Variants in DNAH7 observed in about 807,000 individuals in gnomAD.
DNAH7 encodes the protein axonemal beta dynein heavy chain 7.
DNAH7 carries 397 observed loss-of-function variants against 444.6 expected under a neutral mutation model. The ratio of observed to expected loss-of-function variants is 0.89; its 90% CI spans 0.82 to 0.97. DNAH7 has a LOEUF of 0.97. Among genes scored for constraint, DNAH7 ranks in the 50% least tolerant of loss-of-function variants. DNAH7 has a pLI of 0.00. For synonymous variants in DNAH7, 1,636 were observed against 1,624.4 expected (o/e 1.01, Z -0.17); for missense variants, 4,902 against 4,800.8 (o/e 1.02, Z -0.62).
At chr2:195,950,098 A>G (rs1690117218) in intron 19 of DNAH7, among the ~76,000 whole-genome samples, 1 of 152,184 alleles carries the variant, frequency 6.6e-6, no homozygotes, top group South Asian at 2.1e-4. Context: ...TTTTGGTATC[A>G]GGATGATGCT....
At chr2:195,875,262 A>T (rs1274960607) in intron 38 of DNAH7, among the ~76,000 whole-genome samples, 1 of 152,206 alleles carries the variant, frequency 6.6e-6, no homozygotes, top group Non-Finnish European at 1.5e-5. Context: ...ACCATTCTAT[A>T]CAATTGAAGC....
At chr2:195,963,117 C>T (rs557349328) in intron 17 of DNAH7, among the ~76,000 whole-genome samples, 1 of 152,164 alleles carries the variant, frequency 6.6e-6, no homozygotes, top group Non-Finnish European at 1.5e-5. Flanking sequence ...TCCTTTCTTT[C>T]GGGTATATAC....
chr2:195,765,332 G>C (rs991550364), intron 61 of DNAH7, among the ~76,000 whole-genome samples: 2 of 152,096 alleles, frequency 1.3e-5, no homozygotes, highest in South Asian at 4.1e-4. Flanking sequence ...GATTCCTTGA[G>C]TAATACTCCA....
chr2:195,972,759 G>A (rs1648754733), intron 15 of DNAH7, among the ~76,000 whole-genome samples: 1 of 152,222 alleles, frequency 6.6e-6, no homozygotes, highest in African/African-American at 2.4e-5. Flanking sequence ...TCTGAGTGAA[G>A]AGTTACTCTT....
chr2:195,794,505 G>A lies in DNAH7; in HGVS notation c.10549C>T (p.Arg3517Ter), dbSNP rs759053711. 4.1e-5 allele frequency: 66 copies of A among 1,613,966 alleles called. No homozygotes were observed. The highest frequency in any genetic ancestry group is 1.6e-4 in the East Asian group (7 of 44,898). ...LSPESTHPDF[R>*]MWLTSYPSPN... ...GATGGGTAACTCGTTAGCCACATTC[G>A]GAAATCTGGATGTGTTGACTCTGGG... Residue 3517 changes from arginine to a stop codon, truncating the protein, a stop_gained, in exon 57 of 65, where the codon CGA becomes TGA. Coordinates refer to ENST00000312428, the MANE Select transcript of DNAH7 (RefSeq NM_018897.3). LOFTEE classifies it high-confidence loss of function.
intron 1 of DNAH7, among the ~76,000 whole-genome samples, chr2:196,063,072 G>T (rs1698222107): frequency 6.6e-6 from 1 of 152,084 alleles, no homozygotes; most frequent in South Asian, 2.1e-4. Flanking sequence ...AGTACAGATG[G>T]GGTTTCGCTA....
intron 5 of DNAH7, among the ~76,000 whole-genome samples, chr2:196,034,818 T>C (rs1420794897): frequency 6.6e-6 from 1 of 152,172 alleles, no homozygotes; most frequent in Non-Finnish European, 1.5e-5. Context: ...CATCAAACCG[T>C]ACCTTACACC....
In DNAH7 at chr2:195,777,984, T is replaced by A. The variant is rs533883510; in HGVS notation, c.10880A>T (p.Glu3627Val). 3 of 1,599,722 alleles carry A rather than the reference T, an allele frequency of 1.9e-6. No individual in the cohort carries two copies. The East Asian group carries it at 6.7e-5, about 36-fold the overall frequency. The change falls in exon 59 of 65, where the codon GAA becomes GTA. Residue 3627 changes from glutamate (E) to valine (V), a missense_variant and splice_region_variant. Coordinates refer to ENST00000312428, the MANE Select transcript of DNAH7 (RefSeq NM_018897.3). ...GTACCGCAGAGCCTCATACGGCAGT[T>A]CCTAAAATAGTGCGTGTCAGTCAAC... ...QLHMFLNQYE[E>V]LPYEALRYMT...
At chr2:195,938,811 G>A (rs1429296137) in intron 19 of DNAH7, among the ~76,000 whole-genome samples, 1 of 151,960 alleles carries the variant, frequency 6.6e-6, no homozygotes, top group Non-Finnish European at 1.5e-5. Context: ...ATGAACACAG[G>A]CAATAATCTA....
chr2:195,854,658 AACT>A (rs1699588931), intron 45 of DNAH7, among the ~76,000 whole-genome samples: 1 of 152,204 alleles, frequency 6.6e-6, no homozygotes, highest in Non-Finnish European at 1.5e-5. Context: ...TGCCATCAGA[AACT>A]ACTAAGTAAA....
At chr2:195,939,531 T>C (rs1375777250) in intron 19 of DNAH7, among the ~76,000 whole-genome samples, 2 of 152,090 alleles carry the variant, frequency 1.3e-5, no homozygotes, top group Non-Finnish European at 1.5e-5. Context: ...AACATAGCAA[T>C]AAGATGTTGT....
chr2:195,972,861 C>T (rs894857101), intron 15 of DNAH7, among the ~76,000 whole-genome samples: 8 of 152,200 alleles, frequency 5.3e-5, no homozygotes, highest in Admixed American at 3.9e-4. Flanking sequence ...ATGGGCTCTG[C>T]CCTCCCTGAG....
rs1691037916 is a variant in DNAH7, at chr2:195,960,752, A to G, written c.2399T>C (p.Ile800Thr). ...ATATAATCCTCTCCAGTAATTTCCA[A>G]TATCTGCTTCTACTTGGTCTGGATT... ...KVNPDQVEAD[I>T]GNYWRGLYKL... The change falls in exon 18 of 65, where the codon ATT (isoleucine) becomes ACT (threonine). Residue 800 changes from isoleucine (I) to threonine (T), a missense_variant. By Grantham distance (89) the Ile-to-Thr change is moderately conservative. Coordinates refer to ENST00000312428, the MANE Select transcript of DNAH7 (RefSeq NM_018897.3). 8 of 1,613,978 alleles carry G rather than the reference A, an allele frequency of 5.0e-6. No homozygotes were observed. The highest frequency in any genetic ancestry group is 2.7e-5 in the African/African-American group (2 of 74,902).
At chr2:195,943,273 A>G (rs1308004919) in intron 19 of DNAH7, among the ~76,000 whole-genome samples, 1 of 152,196 alleles carries the variant, frequency 6.6e-6, no homozygotes, top group Non-Finnish European at 1.5e-5. Context: ...TTAATCTTCA[A>G]TATAAGCCAA....
At chr2:196,012,677 G>T (rs1694790684) in intron 10 of DNAH7, 110 bp downstream of exon 10, 7 of 1,092,668 alleles carry the variant, frequency 6.4e-6, no homozygotes, top group Non-Finnish European at 7.8e-6. Context: ...AAATCATGTA[G>T]AAATGATTTA....
chr2:195,771,540 TA>T (rs1484982734), intron 61 of DNAH7, 119 bp downstream of exon 61: 1 of 731,766 alleles, frequency 1.4e-6, no homozygotes, highest in Admixed American at 2.7e-5. Context: ...TTTCTAATCT[TA>T]TTTATCCCCA....
chr2:195,932,395 T>C (rs1688758582), intron 21 of DNAH7, among the ~76,000 whole-genome samples: 1 of 152,182 alleles, frequency 6.6e-6, no homozygotes, highest in African/African-American at 2.4e-5. Context: ...CTTTTCCTAC[T>C]TGAATACCCT....
Position 196,000,903 on chromosome 2 carries a change from TTACA to T in DNAH7, c.1174-24_1174-21del, listed in dbSNP as rs776098749. ...AGAATCCTGCAAAAAATTAAAAAAT[TTACA>T]TACATAAATATGTATGAATTGTGAC... On this transcript the variant is annotated intron_variant, in intron 11 of 64. Coordinates refer to ENST00000312428, the MANE Select transcript of DNAH7 (RefSeq NM_018897.3). The T allele has an allele frequency of 7.1e-6, 11 of 1,545,336 alleles. No homozygotes were observed. The highest frequency in any genetic ancestry group is 9.6e-6 in the Non-Finnish European group (11 of 1,149,638).
chr2:195,953,829 A>G (rs1690436461), intron 19 of DNAH7, among the ~76,000 whole-genome samples: 1 of 152,214 alleles, frequency 6.6e-6, no homozygotes, highest in South Asian at 2.1e-4. Flanking sequence ...CCTAAGAATG[A>G]AGGCAATAAC....
Sources: gnomAD v4.1 joint callset for allele counts (sites outside exome capture counted in the v4.1 genomes callset) on GRCh38, gnomAD v4.1.1 for gene constraint, MANE v1.5 for transcripts, NCBI Gene and HGNC (gene_info 2026-07-23, HGNC 2026-07-21) for gene names.